Variants in PHTF2 observed in about 807,000 individuals in gnomAD.
PHTF2 encodes the protein putative homeodomain transcription factor 2.
Under a neutral mutation model 101.2 loss-of-function variants are expected in PHTF2, and 60 were observed. The observed-to-expected ratio is 0.59, with a 90% CI of 0.48 to 0.73. The LOEUF (loss-of-function observed/expected upper bound fraction) is 0.73, where lower values mean the gene tolerates loss of function less well. Ranked by LOEUF, PHTF2 falls within the 30% of genes least tolerant of loss-of-function variation. PHTF2 has a pLI of 0.00. For synonymous variants in PHTF2, 311 were observed against 307.3 expected (o/e 1.01, Z -0.13); for missense variants, 747 against 908.7 (o/e 0.82, Z 2.29).
At chr7:77,936,189 T>C (rs899270218) in intron 12 of PHTF2, among the ~76,000 whole-genome samples, 2 of 152,152 alleles carry the variant, frequency 1.3e-5, no homozygotes, top group Non-Finnish European at 2.9e-5. Context: ...TCAATGCAAC[T>C]TTACTCCCCC....
chr7:77,854,344 G>A (rs753070290), intron 2 of PHTF2, among the ~76,000 whole-genome samples: 1 of 152,078 alleles, frequency 6.6e-6, no homozygotes, highest in Non-Finnish European at 1.5e-5. Flanking sequence ...CTGGGGGAAG[G>A]GTGATGCATG....
chr7:77,953,785 T>G (rs1179670243), exon 19 of PHTF2: 1 of 1,613,254 alleles, frequency 6.2e-7, no homozygotes, highest in African/African-American at 1.3e-5. Context: ...GACAGTCCTT[T>G]TAGATTATAT....
chr7:77,805,293 TTTCTC>T (rs1195828167), intron 1 of PHTF2, among the ~76,000 whole-genome samples: 1 of 152,172 alleles, frequency 6.6e-6, no homozygotes, highest in Non-Finnish European at 1.5e-5. Context: ...TCTGATGTCT[TTTCTC>T]TTTTCTCTCC....
At chr7:77,854,523 C>T (rs1336794148) in intron 2 of PHTF2, among the ~76,000 whole-genome samples, 1 of 152,078 alleles carries the variant, frequency 6.6e-6, no homozygotes, top group Non-Finnish European at 1.5e-5. Context: ...AGGCTTGCGT[C>T]CTTCCCTCCA....
At chr7:77,940,154 A>C (rs1446783162) in exon 14 of PHTF2, 1 of 1,613,718 alleles carries the variant, frequency 6.2e-7, no homozygotes, top group Non-Finnish European at 8.5e-7. Flanking sequence ...CTCACAGCAC[A>C]TTCTGCTTCA....
At chr7:77,817,767 A>AT (rs1260903726) in intron 1 of PHTF2, among the ~76,000 whole-genome samples, 1 of 152,096 alleles carries the variant, frequency 6.6e-6, no homozygotes, top group Non-Finnish European at 1.5e-5. Context: ...ATGTCTTTAG[A>AT]TTTTTTGCCC....
intron 11 of PHTF2, chr7:77,924,259 C>A: frequency 2.3e-6 from 1 of 430,644 alleles, no homozygotes; most frequent in South Asian, 9.9e-5. Context: ...TCTCCAATTG[C>A]TAGTAATGTT....
chr7:77,947,837 C>CTTTTTTTTTTTT (rs71082798), intron 16 of PHTF2, among the ~76,000 whole-genome samples: 7,515 of 73,358 alleles, frequency 0.1, 1,792 homozygotes, highest in African/African-American at 0.13. Context: ...TTTTTTCTTT[C>CTTTTTTTTTTTT]TTTTTTTTTT....
chr7:77,892,073 C>T (rs1205549597), intron 3 of PHTF2, among the ~76,000 whole-genome samples: 3 of 152,106 alleles, frequency 2.0e-5, no homozygotes, highest in Non-Finnish European at 4.4e-5. Flanking sequence ...GTCAGGAGAT[C>T]GAGACCATCC....
chr7:77,945,317 A>G (rs1805960745), intron 16 of PHTF2, among the ~76,000 whole-genome samples: 1 of 152,360 alleles, frequency 6.6e-6, no homozygotes, highest in Non-Finnish European at 1.5e-5. Flanking sequence ...CAGCCTGGGC[A>G]ACAGAAAGAG....
chr7:77,932,039 A>T (rs190038018), intron 12 of PHTF2, among the ~76,000 whole-genome samples: 4 of 152,222 alleles, frequency 2.6e-5, no homozygotes, highest in Non-Finnish European at 2.9e-5. Flanking sequence ...GGCAGGGCTT[A>T]GCAGTGAGCT....
intron 1 of PHTF2, among the ~76,000 whole-genome samples, chr7:77,839,509 TGTAA>T (rs1795710923): frequency 2.0e-5 from 3 of 152,256 alleles, no homozygotes; most frequent in African/African-American, 4.8e-5. Flanking sequence ...ATCTGTTTCT[TGTAA>T]GTTACAATTC....
At chr7:77,816,747 G>C (rs1309884310) in intron 1 of PHTF2, among the ~76,000 whole-genome samples, 1 of 152,058 alleles carries the variant, frequency 6.6e-6, no homozygotes, top group Non-Finnish European at 1.5e-5. Flanking sequence ...CCCAGTCTCT[G>C]GTATCCTCCA....
At position 77,854,954 on chromosome 7, in the gene PHTF2, C is replaced by G. The variant is rs1043042136; in HGVS notation, c.147+120C>G. 4.9e-6 allele frequency: 3 copies of G among 609,038 alleles called. No homozygotes were observed. The African/African-American group carries it at 5.5e-5, about 11-fold the overall frequency. 37.7% of individuals were successfully genotyped at this position (609,038 alleles called of 1,614,324 possible). On this transcript the variant is annotated intron_variant, in intron 3 of 19. Transcript: ENST00000416283. ...GGAATCAAGGAACCCAGGAGCCTGCCTGGTGTTCTACCCTACTGTGGCTGA... is the reference window on the plus strand; with the variant it reads ...GGAATCAAGGAACCCAGGAGCCTGCGTGGTGTTCTACCCTACTGTGGCTGA...
At chr7:77,945,666 A>C (rs1159939573) in intron 16 of PHTF2, among the ~76,000 whole-genome samples, 1 of 152,224 alleles carries the variant, frequency 6.6e-6, no homozygotes, top group African/African-American at 2.4e-5. Context: ...TACTGGCACA[A>C]TTGAGAATTT....
At chr7:77,891,911 G>T (rs1406996245) in intron 3 of PHTF2, among the ~76,000 whole-genome samples, 1 of 152,104 alleles carries the variant, frequency 6.6e-6, no homozygotes, top group Non-Finnish European at 1.5e-5. Context: ...TAAAATAAAA[G>T]AGTCACAGGA....
In PHTF2 at chr7:77,805,940, C is replaced by T. The variant is rs1584343991; in HGVS notation, c.-36+6969C>T. Among the ~76,000 whole-genome samples, 6 of 152,198 alleles carry T rather than the reference C, an allele frequency of 3.9e-5. No individual in the cohort carries two copies. In the South Asian group the frequency reaches 1.2e-3, roughly 32 times the overall value. Reference sequence around the variant, plus strand: ...CTGTAATCCCAGCACTTTGGGAGGCCGAGGCAGGCGGGTCATTTGAGATCA... The same window carrying T: ...CTGTAATCCCAGCACTTTGGGAGGCTGAGGCAGGCGGGTCATTTGAGATCA... On this transcript the variant is annotated intron_variant, in intron 1 of 19. Transcript: ENST00000416283.
At chr7:77,853,789 A>G (rs971424182) in intron 2 of PHTF2, among the ~76,000 whole-genome samples, 1 of 152,094 alleles carries the variant, frequency 6.6e-6, no homozygotes, top group Non-Finnish European at 1.5e-5. Context: ...ACATTTTAAA[A>G]TTATTTCAAT....
chr7:77,877,326 G>C (rs887756551), intron 3 of PHTF2, among the ~76,000 whole-genome samples: 5 of 151,864 alleles, frequency 3.3e-5, no homozygotes, highest in Non-Finnish European at 7.4e-5. Context: ...GGCTGGTCTC[G>C]AACTCCTGAC....
Sources: allele counts gnomAD v4.1 joint callset (sites outside exome capture counted in the v4.1 genomes callset), GRCh38; gene constraint gnomAD v4.1.1; transcripts MANE v1.5; gene names NCBI Gene and HGNC (gene_info 2026-07-23, HGNC 2026-07-21).